The following THSD7B variants were observed in gnomAD, a reference collection of about 807,000 sequenced individuals.
The protein encoded by THSD7B is thrombospondin type 1 domain containing 7B.
Under a neutral mutation model 213.6 loss-of-function variants are expected in THSD7B, and 138 were observed. The ratio of observed to expected loss-of-function variants is 0.65; its 90% CI spans 0.56 to 0.74. The LOEUF (loss-of-function observed/expected upper bound fraction) is 0.74, where lower values mean the gene tolerates loss of function less well. Ranked by LOEUF, THSD7B falls within the 30% of genes least tolerant of loss-of-function variation. The probability of loss-of-function intolerance (pLI) is 0.00; values close to 1 mark genes in which losing one functional copy is unlikely to be tolerated. For missense variants in THSD7B, 1,931 were observed against 1,991.5 expected (o/e 0.97, Z 0.58); for synonymous variants, 742 against 687.0 (o/e 1.08, Z -1.25).
intron 1 of THSD7B, among the ~76,000 whole-genome samples, chr2:136,806,984 G>C (rs1231806041): frequency 6.6e-6 from 1 of 152,178 alleles, no homozygotes; most frequent in Non-Finnish European, 1.5e-5. Flanking sequence ...GGTTTTTGGG[G>C]GGAAGACCAC....
intron 7 of THSD7B, among the ~76,000 whole-genome samples, chr2:137,211,803 T>C (rs988917783): frequency 5.9e-5 from 9 of 152,256 alleles, no homozygotes; most frequent in African/African-American, 1.9e-4. Context: ...GTGTCTTTCA[T>C]GGCATTTGCA....
At chr2:137,271,398 T>TTC (rs1682731110) in intron 10 of THSD7B, among the ~76,000 whole-genome samples, 2 of 143,258 alleles carry the variant, frequency 1.4e-5, no homozygotes, top group African/African-American at 5.1e-5. Context: ...TTATGAATTA[T>TTC]ATATATATGA....
chr2:137,500,344 A>G (rs1204120451), intron 15 of THSD7B, among the ~76,000 whole-genome samples: 1 of 152,228 alleles, frequency 6.6e-6, no homozygotes. Flanking sequence ...ATAATTCAGA[A>G]ACATGTTTTT....
chr2:137,202,555 C>T (rs886341220), intron 7 of THSD7B, among the ~76,000 whole-genome samples: 13 of 152,240 alleles, frequency 8.5e-5, no homozygotes, highest in African/African-American at 2.4e-4. Flanking sequence ...AGAGCACGGC[C>T]CTGCCAACAC....
chr2:137,474,134 A>C (rs1272721506), intron 15 of THSD7B, among the ~76,000 whole-genome samples: 3 of 152,184 alleles, frequency 2.0e-5, no homozygotes, highest in African/African-American at 4.8e-5. Flanking sequence ...GTGTATGTAC[A>C]ATGTATTTGT....
chr2:137,268,327 C>G (rs527837166), intron 10 of THSD7B, among the ~76,000 whole-genome samples: 1 of 151,264 alleles, frequency 6.6e-6, no homozygotes, highest in African/African-American at 2.4e-5. Flanking sequence ...CAACAGGCCC[C>G]AGTGTGTGAT....
chr2:137,506,191 A>C (rs1254671022), intron 15 of THSD7B, among the ~76,000 whole-genome samples: 1 of 151,972 alleles, frequency 6.6e-6, no homozygotes, highest in Non-Finnish European at 1.5e-5. Flanking sequence ...CACTCAAGGC[A>C]GAAGTTACAG....
At chr2:137,024,769 A>AGGTTAGTTTT (rs1686514496) in intron 2 of THSD7B, among the ~76,000 whole-genome samples, 1 of 152,114 alleles carries the variant, frequency 6.6e-6, no homozygotes, top group African/African-American at 2.4e-5. Flanking sequence ...ATCTCATCAA[A>AGGTTAGTTTT]TAATACCTCT....
At chr2:136,769,038 C>T (rs1290234228) in intron 1 of THSD7B, among the ~76,000 whole-genome samples, 7 of 152,154 alleles carry the variant, frequency 4.6e-5, no homozygotes, top group African/African-American at 1.4e-4. Flanking sequence ...ATCACAGGCA[C>T]CTGTGCTCCA....
chr2:137,260,921 C>CTT (rs143543628), intron 10 of THSD7B, among the ~76,000 whole-genome samples: 5,025 of 152,172 alleles, frequency 0.033, 161 homozygotes, highest in Middle Eastern at 0.099. Context: ...CTCATTCACT[C>CTT]TTATTTGTTC....
Position 137,276,033 on chromosome 2 carries a change from T to C in THSD7B, c.2500+7T>C, listed in dbSNP as rs115374665. On this transcript the variant is annotated splice_region_variant and intron_variant, in intron 12 of 27. Coordinates refer to ENST00000409968, the MANE Select transcript of THSD7B (RefSeq NM_001316349.2). Reference sequence around the variant, plus strand: ...AAGGGGTTACAAACAAGAGGTATGATGATTTTTACATAGTTTTTTTTTATT... The same window carrying C: ...AAGGGGTTACAAACAAGAGGTATGACGATTTTTACATAGTTTTTTTTTATT... 927 of 1,603,226 alleles carry C rather than the reference T, an allele frequency of 5.8e-4. 4 individuals carry two copies. The African/African-American group carries it at 0.011, about 20-fold the overall frequency.
At chr2:137,409,414 C>A (rs1686599630) in intron 13 of THSD7B, among the ~76,000 whole-genome samples, 1 of 152,172 alleles carries the variant, frequency 6.6e-6, no homozygotes, top group Non-Finnish European at 1.5e-5. Flanking sequence ...TAATTCAGGG[C>A]ATTCCAACTT....
chr2:137,290,866 C>T (rs545908256), intron 12 of THSD7B, among the ~76,000 whole-genome samples: 45 of 152,192 alleles, frequency 3.0e-4, no homozygotes, highest in African/African-American at 9.9e-4. Context: ...CAGCCTATTC[C>T]CTTTTGCTAG....
At chr2:137,406,553 T>C (rs956314586) in intron 13 of THSD7B, among the ~76,000 whole-genome samples, 2 of 152,222 alleles carry the variant, frequency 1.3e-5, no homozygotes, top group Admixed American at 6.5e-5. Context: ...GAAATTGGTG[T>C]TGACATTGAA....
In THSD7B at chr2:137,616,595, A is replaced by G. The variant is rs537540087; in HGVS notation, c.3565+279A>G. On this transcript the variant is annotated intron_variant, in intron 18 of 27. Transcript: ENST00000409968. Reference sequence around the variant, plus strand: ...AAAATGTTGATTTAAGCCATGATAAACTGAAACAACAAAAATAAGTAGCAG... The same window carrying G: ...AAAATGTTGATTTAAGCCATGATAAGCTGAAACAACAAAAATAAGTAGCAG... 2.6e-5 allele frequency among the ~76,000 whole-genome samples: 4 copies of G among 152,290 alleles called. No homozygotes were observed. In the East Asian group the frequency reaches 7.7e-4, roughly 29 times the overall value.
In THSD7B at chr2:137,073,850, G is replaced by T. The variant is rs190286640; in HGVS notation, c.950+16620G>T. 6.6e-5 allele frequency among the ~76,000 whole-genome samples: 10 copies of T among 152,322 alleles called. No individual in the cohort carries two copies. In the East Asian group the frequency reaches 1.7e-3, roughly 26 times the overall value. On this transcript the variant is annotated intron_variant, in intron 3 of 27. Transcript: ENST00000409968. The stretch of plus-strand genomic sequence containing the variant: ...CCTTCAGTTCGTTATTTACCCAGTA[G>T]TCATTCAGGAGCAGGTTGTTCAGTT...
intron 12 of THSD7B, among the ~76,000 whole-genome samples, chr2:137,394,869 G>A (rs1489842098): frequency 7.0e-6 from 1 of 143,804 alleles, no homozygotes; most frequent in African/African-American, 2.7e-5. Flanking sequence ...CCTTGAAGAG[G>A]TCCTTCACAT....
At chr2:137,233,305 G>A (rs1041528399) in intron 9 of THSD7B, among the ~76,000 whole-genome samples, 172 bp downstream of exon 9, 4 of 152,162 alleles carry the variant, frequency 2.6e-5, no homozygotes, top group African/African-American at 4.8e-5. Context: ...AAAGATAAAC[G>A]TGTTTATGAT....
intron 12 of THSD7B, among the ~76,000 whole-genome samples, chr2:137,385,609 T>G (rs2104970444): frequency 1.3e-5 from 2 of 152,276 alleles, no homozygotes; most frequent in Middle Eastern, 3.4e-3. Flanking sequence ...TGTGTATATC[T>G]TAGGCCATGG....
Sources: allele counts gnomAD v4.1 joint callset (sites outside exome capture counted in the v4.1 genomes callset), GRCh38; gene constraint gnomAD v4.1.1; transcripts MANE v1.5; gene names NCBI Gene and HGNC (gene_info 2026-07-23, HGNC 2026-07-21).